FSTL5: variants seen among roughly 807,000 people sequenced by gnomAD.
FSTL5 encodes the protein follistatin like 5, also known as follistatin-related protein 5.
FSTL5 carries 62 observed loss-of-function variants against 89.1 expected under a neutral mutation model. The observed-to-expected ratio is 0.70, with a 90% confidence interval of 0.57 to 0.86. The LOEUF (loss-of-function observed/expected upper bound fraction) is 0.86. Ranked by LOEUF, FSTL5 falls within the 40% of genes least tolerant of loss-of-function variation. The pLI is 0.00. For synonymous variants in FSTL5, 383 were observed against 346.2 expected (o/e 1.11, Z -1.18); for missense variants, 1,057 against 1,001.6 (o/e 1.06, Z -0.75).
chr4:162,064,064 A>C (rs771655997), intron 2 of FSTL5, among the ~76,000 whole-genome samples: 7 of 151,552 alleles, frequency 4.6e-5, no homozygotes, highest in Admixed American at 6.6e-5. Context: ...TCTCTCTGTT[A>C]ATTATTTAGC....
intron 3 of FSTL5, among the ~76,000 whole-genome samples, chr4:162,016,364 T>C (rs1057147531): frequency 6.6e-6 from 1 of 152,146 alleles, no homozygotes; most frequent in East Asian, 1.9e-4. Context: ...CACACAAAAT[T>C]TGGTATTGAA....
chr4:161,932,211 A>C (rs1734306063), intron 3 of FSTL5, among the ~76,000 whole-genome samples: 2 of 152,022 alleles, frequency 1.3e-5, no homozygotes, highest in African/African-American at 4.8e-5. Flanking sequence ...CACTTACAGT[A>C]AAATAATTAA....
In FSTL5 at chr4:161,736,807, C is replaced by T. The variant is rs142709130; in HGVS notation, c.727+22604G>A. On this transcript the variant is annotated intron_variant, in intron 6 of 15. Coordinates refer to ENST00000306100, the MANE Select transcript of FSTL5 (RefSeq NM_020116.5). ...TACTTGCAGAAGATGTCTGTGGATA[C>T]GTGATCCTGTTTGTCTATCTAGGGT... Among the ~76,000 whole-genome samples the T allele has an allele frequency of 8.5e-4, 129 of 152,098 alleles. 1 individual carries two copies. The highest frequency in any genetic ancestry group is 3.0e-3 in the African/African-American group (125 of 41,516).
chr4:162,076,827 C>CA (rs1012375947), intron 2 of FSTL5, among the ~76,000 whole-genome samples: 2 of 151,594 alleles, frequency 1.3e-5, no homozygotes, highest in African/African-American at 4.8e-5. Flanking sequence ...GCTGATGTAT[C>CA]AAAAAAATCG....
chr4:161,901,313 G>A (rs1733356363), intron 4 of FSTL5, among the ~76,000 whole-genome samples: 1 of 152,182 alleles, frequency 6.6e-6, no homozygotes, highest in South Asian at 2.1e-4. Flanking sequence ...CCTGAGTGAA[G>A]TGAGAAGATG....
intron 3 of FSTL5, among the ~76,000 whole-genome samples, chr4:161,941,625 A>T (rs1409762510): frequency 6.6e-6 from 1 of 152,064 alleles, no homozygotes; most frequent in East Asian, 1.9e-4. Flanking sequence ...TATGCACCAA[A>T]TCTCAGAGCC....
intron 7 of FSTL5, among the ~76,000 whole-genome samples, chr4:161,639,199 T>C (rs571264132): frequency 1.4e-3 from 211 of 151,790 alleles, no homozygotes; most frequent in African/African-American, 5.0e-3. Context: ...AAAAAAAAAA[T>C]TGGAGCAGAT....
At chr4:162,132,392 C>T (rs1054792548) in intron 1 of FSTL5, among the ~76,000 whole-genome samples, 12 of 152,070 alleles carry the variant, frequency 7.9e-5, no homozygotes, top group African/African-American at 2.4e-4. Context: ...TAACACTCAC[C>T]GCGAAGGTCT....
At chr4:161,674,259 A>G (rs556253600) in intron 6 of FSTL5, among the ~76,000 whole-genome samples, 1 of 152,166 alleles carries the variant, frequency 6.6e-6, no homozygotes, top group Non-Finnish European at 1.5e-5. Flanking sequence ...GTTTTAAAGA[A>G]TTTACATTGT....
chr4:161,520,812 A>G (rs1208953690), intron 10 of FSTL5, among the ~76,000 whole-genome samples: 1 of 152,242 alleles, frequency 6.6e-6, no homozygotes, highest in Non-Finnish European at 1.5e-5. Context: ...AACTTTAAGC[A>G]TGGCAGAATT....
At chr4:161,922,208 A>C (rs567937302) in intron 3 of FSTL5, among the ~76,000 whole-genome samples, 2 of 152,106 alleles carry the variant, frequency 1.3e-5, no homozygotes, top group African/African-American at 4.8e-5. Context: ...TATTATAATT[A>C]TTGATGAAGG....
intron 1 of FSTL5, among the ~76,000 whole-genome samples, chr4:162,116,623 T>C (rs1731651871): frequency 6.6e-6 from 1 of 152,150 alleles, no homozygotes; most frequent in South Asian, 2.1e-4. Context: ...TTTGTTCTCT[T>C]TCCCAGGCGG....
chr4:161,407,411 C>T (rs986111477), intron 15 of FSTL5, among the ~76,000 whole-genome samples: 2 of 152,122 alleles, frequency 1.3e-5, no homozygotes, highest in South Asian at 2.1e-4. Flanking sequence ...ATGCAGTCGC[C>T]GATCCTGAAG....
chr4:161,646,733 G>A (rs2126673895), intron 7 of FSTL5, among the ~76,000 whole-genome samples: 1 of 152,118 alleles, frequency 6.6e-6, no homozygotes, highest in South Asian at 2.1e-4. Flanking sequence ...AGAATGCCTT[G>A]CTTTAAATAT....
intron 3 of FSTL5, among the ~76,000 whole-genome samples, chr4:162,009,652 C>A (rs901540377): frequency 2.6e-5 from 4 of 151,944 alleles, no homozygotes; most frequent in Admixed American, 2.6e-4. Context: ...GGTATTAACT[C>A]ATAGACTCGA....
intron 6 of FSTL5, among the ~76,000 whole-genome samples, chr4:161,725,946 A>G (rs1000833339): frequency 2.0e-5 from 3 of 152,178 alleles, no homozygotes; most frequent in African/African-American, 7.2e-5. Flanking sequence ...TAATGCCAAA[A>G]ACCACAGTTA....
intron 1 of FSTL5, among the ~76,000 whole-genome samples, chr4:162,141,942 C>A (rs1258162488): frequency 6.6e-6 from 1 of 151,896 alleles, no homozygotes; most frequent in Admixed American, 6.6e-5. Flanking sequence ...GAAAGAAGAG[C>A]TTGAGAGTAT....
intron 4 of FSTL5, among the ~76,000 whole-genome samples, chr4:161,790,994 AAG>A (rs1359676773): frequency 8.1e-4 from 3 of 3,700 alleles, no homozygotes; most frequent in African/African-American, 9.5e-4. Context: ...ATCTTTTTGA[AAG>A]ATCTAGATCT....
chr4:161,433,718 T>C (rs143348690), intron 15 of FSTL5, among the ~76,000 whole-genome samples: 120 of 152,064 alleles, frequency 7.9e-4, no homozygotes, highest in African/African-American at 2.6e-3. Flanking sequence ...AGTTGCAGGA[T>C]AAAAAAGTCA....
Sources: gnomAD v4.1 joint callset for allele counts (sites outside exome capture counted in the v4.1 genomes callset) on GRCh38, gnomAD v4.1.1 for gene constraint, MANE v1.5 for transcripts, NCBI Gene and HGNC (gene_info 2026-07-23, HGNC 2026-07-21) for gene names.